Variants in ESPNL observed in about 807,000 individuals in gnomAD.
The protein encoded by ESPNL is espin like, also known as espin-like protein.
In ESPNL, 49 loss-of-function variants were observed where a neutral mutation model predicts 46.8. The observed-to-expected ratio is 1.05, with a 90% CI of 0.83 to 1.33. The LOEUF is 1.33. ESPNL is among the 40% of genes most tolerant of loss of function. The probability of loss-of-function intolerance (pLI) is 0.00; values close to 1 mark genes in which losing one functional copy is unlikely to be tolerated. For synonymous variants in ESPNL, 664 were observed against 662.1 expected (o/e 1.00, Z -0.04); for missense variants, 1,540 against 1,436.6 (o/e 1.07, Z -1.16).
chr2:238,104,294 C>A (rs547747195), intron 2 of ESPNL, among the ~76,000 whole-genome samples: 1 of 152,196 alleles, frequency 6.6e-6, no homozygotes, highest in East Asian at 1.9e-4. Flanking sequence ...AGGCACCCAG[C>A]GCCACCTGCC....
chr2:238,108,010 C>T (rs1205157711), intron 4 of ESPNL, 37 bp downstream of exon 4: 1 of 1,574,516 alleles, frequency 6.4e-7, no homozygotes, highest in Non-Finnish European at 8.6e-7. Flanking sequence ...TGAGCAGTCA[C>T]AAGTGCCAGC....
intron 5 of ESPNL, among the ~76,000 whole-genome samples, chr2:238,119,524 G>A (rs1391752492): frequency 2.2e-5 from 3 of 134,732 alleles, no homozygotes; most frequent in Non-Finnish European, 4.8e-5. Flanking sequence ...TGGAGGAGGG[G>A]AGATGGAGGA....
At chr2:238,129,260 CCACTG>C (rs1574746736) in intron 8 of ESPNL, 2 of 1,174,398 alleles carry the variant, frequency 1.7e-6, no homozygotes, top group Non-Finnish European at 2.1e-6. Flanking sequence ...GGTGCGATTC[CCACTG>C]CTGTGGAGAA....
At position 238,125,273 on chromosome 2, in the gene ESPNL, C is replaced by A. The variant is rs1692078271; in HGVS notation, c.991C>A (p.Pro331Thr). The change falls in exon 6 of 9, where the codon CCC becomes ACC. Residue 331 changes from proline to threonine, a missense_variant. Physicochemically the swap from Pro to Thr is conservative, Grantham distance 38. Transcript: ENST00000343063. The part of the protein sequence containing the change: ...QYLREVAQPV[P>T]LLMTPPPPPF... ...GACCAGGCCCATTCACCCACAGGTG[C>A]CCCTGCTGATGACGCCCCCACCACC... is the stretch of plus-strand genomic sequence containing the variant. The A allele has an allele frequency of 1.3e-6, 2 of 1,496,754 alleles. No individual in the cohort carries two copies. Among genetic ancestry groups the A allele is most frequent in the Non-Finnish European group, 9.0e-7 (1 of 1,113,798 alleles). 92.7% of individuals were successfully genotyped at this position (1,496,754 alleles called of 1,614,324 possible).
At chr2:238,120,870 C>A (rs185215837) in intron 5 of ESPNL, among the ~76,000 whole-genome samples, 13 of 152,376 alleles carry the variant, frequency 8.5e-5, no homozygotes, top group Middle Eastern at 3.4e-3. Context: ...ACACTGGCCG[C>A]CTCCGAGCTG....
rs964626854 is a variant in ESPNL, at chr2:238,129,364, G to C, written c.1413+460G>C. 6 of 601,664 alleles carry C rather than the reference G, an allele frequency of 1.0e-5. No individual in the cohort carries two copies. In the East Asian group the frequency reaches 8.2e-4, roughly 83 times the overall value. The allele number at this position is 601,664 out of a possible 1,614,324, so 37.3% of individuals were successfully genotyped here. ...TTGAGCAGGGGCCAGAGGGAAGAGA[G>C]GGGGAGCCCTGTGGGAATTTGGGGC... is the stretch of plus-strand genomic sequence containing the variant. On this transcript the variant is annotated intron_variant, in intron 8 of 8. Transcript: ENST00000343063.
In ESPNL at chr2:238,102,151, G is replaced by GC; in HGVS notation, c.485+22dup. The GC allele has an allele frequency of 6.6e-7, 1 of 1,511,600 alleles. No homozygotes were observed. The highest frequency in any genetic ancestry group is 8.9e-7 in the Non-Finnish European group (1 of 1,126,330). The allele number at this position is 1,511,600 out of a possible 1,614,324, so 93.6% of individuals were successfully genotyped here. The stretch of plus-strand genomic sequence containing the variant: ...TGGCAGGTAAGGAGCCCAAAGTCCC[G>GC]CCTGGGGGGGCAGCCTGGGGCGAGC... On this transcript the variant is annotated intron_variant, in intron 2 of 8. Transcript: ENST00000343063.
intron 4 of ESPNL, among the ~76,000 whole-genome samples, chr2:238,112,896 C>T (rs561474804): frequency 5.9e-5 from 9 of 152,250 alleles, no homozygotes; most frequent in South Asian, 4.2e-4. Flanking sequence ...TTTATTGCCC[C>T]GTGTATGGTC....
intron 4 of ESPNL, among the ~76,000 whole-genome samples, chr2:238,115,822 G>A (rs191011756): frequency 8.1e-4 from 124 of 152,324 alleles, no homozygotes; most frequent in Non-Finnish European, 1.6e-3. Context: ...AGAGGCGCCC[G>A]CCACCACGCC....
intron 4 of ESPNL, among the ~76,000 whole-genome samples, chr2:238,110,294 TC>T (rs56215483): frequency 0.79 from 57 of 72 alleles, 22 homozygotes; most frequent in Admixed American, 1. Flanking sequence ...CCCTTTTCTG[TC>T]CCCAGGATCC....
At chr2:238,106,265 CT>C (rs66710697) in intron 3 of ESPNL, among the ~76,000 whole-genome samples, 20,946 of 152,278 alleles carry the variant, frequency 0.14, 1,623 homozygotes, top group South Asian at 0.28. Flanking sequence ...AACAGGGGGC[CT>C]GGTCCCTTAG....
Position 238,131,002 on chromosome 2 carries a change from G to A in ESPNL, c.2288G>A (p.Cys763Tyr), listed in dbSNP as rs758160412. 1.3e-6 allele frequency: 2 copies of A among 1,544,220 alleles called. No individual in the cohort carries two copies. The highest frequency in any genetic ancestry group is 2.0e-5 in the Admixed American group (1 of 51,000). ...AYTPALKTVA[C>Y]RTLGARHAGL... ...ACGCCGGCCCTCAAGACAGTGGCCTGCAGGACCCTAGGAGCCCGCCACGCG... is the reference window on the plus strand; with the variant it reads ...ACGCCGGCCCTCAAGACAGTGGCCTACAGGACCCTAGGAGCCCGCCACGCG... The change falls in exon 9 of 9, where the codon TGC becomes TAC. Residue 763 changes from cysteine to tyrosine, a missense_variant. Cys to Tyr is a radical substitution (Grantham distance 194). Transcript: ENST00000343063.
intron 3 of ESPNL, among the ~76,000 whole-genome samples, 156 bp from the exon 4 acceptor site, chr2:238,107,635 C>T (rs1032291540): frequency 3.9e-5 from 6 of 152,194 alleles, no homozygotes; most frequent in East Asian, 1.9e-4. Context: ...CGGGGACGCA[C>T]GTGCTCAGCC....
At chr2:238,106,654 T>G (rs930815044) in intron 3 of ESPNL, among the ~76,000 whole-genome samples, 1 of 152,180 alleles carries the variant, frequency 6.6e-6, no homozygotes, top group Non-Finnish European at 1.5e-5. Flanking sequence ...TCCCAAACTA[T>G]GCCTGGCTCC....
At chr2:238,118,022 G>GA (rs1691854241) in intron 5 of ESPNL, among the ~76,000 whole-genome samples, 1 of 150,134 alleles carries the variant, frequency 6.7e-6, no homozygotes. Flanking sequence ...GATGGAGGAG[G>GA]GTGAATGGAG....
intron 3 of ESPNL, among the ~76,000 whole-genome samples, chr2:238,105,823 G>C (rs1331596091): frequency 6.6e-6 from 1 of 152,172 alleles, no homozygotes; most frequent in Non-Finnish European, 1.5e-5. Flanking sequence ...TGCTGATGGA[G>C]AAGTGAGAGC....
At chr2:238,123,104 G>A (rs1213101137) in intron 5 of ESPNL, among the ~76,000 whole-genome samples, 1 of 152,176 alleles carries the variant, frequency 6.6e-6, no homozygotes, top group African/African-American at 2.4e-5. Flanking sequence ...TGCCGCATAG[G>A]TCTGTATCTC....
intron 5 of ESPNL, 35 bp downstream of exon 5, chr2:238,117,069 TG>T (rs752054924): frequency 3.8e-6 from 6 of 1,582,932 alleles, no homozygotes; most frequent in South Asian, 3.4e-5. Context: ...CCTGGAGGCA[TG>T]GGGGGTGGGC....
chr2:238,127,397 G>A (rs1187267242), intron 6 of ESPNL: 27 of 1,321,720 alleles, frequency 2.0e-5, no homozygotes, highest in Non-Finnish European at 2.6e-5. Flanking sequence ...CCAGCGGTGT[G>A]CCGCAGGCTC....
Sources: allele counts gnomAD v4.1 joint callset (sites outside exome capture counted in the v4.1 genomes callset), GRCh38; gene constraint gnomAD v4.1.1; transcripts MANE v1.5; gene names NCBI Gene and HGNC (gene_info 2026-07-23, HGNC 2026-07-21).